BNC2: variants seen among roughly 807,000 people sequenced by gnomAD.
BNC2 encodes zinc finger protein basonuclin-2.
Under a neutral mutation model 76.3 loss-of-function variants are expected in BNC2, and 20 were observed. That is an observed-to-expected ratio of 0.26 (90% CI 0.18 to 0.38). BNC2 has a LOEUF of 0.38. Ranked by LOEUF, BNC2 falls within the 10% of genes least tolerant of loss-of-function variation. BNC2 has a pLI of 1.00. For synonymous variants in BNC2, 582 were observed against 514.8 expected (o/e 1.13, Z -1.77); for missense variants, 1,382 against 1,399.8 (o/e 0.99, Z 0.20).
Position 16,501,909 on chromosome 9 carries a change from A to G in BNC2, c.669+50621T>C, listed in dbSNP as rs769008934. ...TGGTTGAATTGCTAAAGAACAGAGA[A>G]TAAGTGACTAAGCCTGGGGAATACC... is the stretch of plus-strand genomic sequence containing the variant. On this transcript the variant is annotated intron_variant, in intron 5 of 6. Transcript: ENST00000380672. 5.3e-5 allele frequency among the ~76,000 whole-genome samples: 8 copies of G among 152,246 alleles called. 1 individual carries two copies. Among genetic ancestry groups the G allele is most frequent in the Admixed American group, 2.6e-4 (4 of 15,278 alleles).
Position 16,725,365 on chromosome 9 carries a change from C to T in BNC2, c.330+2432G>A, listed in dbSNP as rs185497763. Among the ~76,000 whole-genome samples the T allele has an allele frequency of 1.7e-4, 26 of 151,990 alleles. 1 individual carries two copies. In the East Asian group the frequency reaches 4.1e-3, roughly 24 times the overall value. On this transcript the variant is annotated intron_variant, in intron 3 of 6. Coordinates refer to ENST00000380672, the MANE Select transcript of BNC2 (RefSeq NM_017637.6). ...GAACTTAAGTTATGTAATATTTATA[C>T]AAACTAAAATGTCATCTTGAAGAGA...
chr9:16,698,730 G>A (rs1396030913), intron 3 of BNC2, among the ~76,000 whole-genome samples: 1 of 151,930 alleles, frequency 6.6e-6, no homozygotes, highest in African/African-American at 2.4e-5. Context: ...TATATTTACG[G>A]ACATGGAAAG....
At chr9:16,477,392 T>C (rs1462694822) in intron 5 of BNC2, among the ~76,000 whole-genome samples, 2 of 152,226 alleles carry the variant, frequency 1.3e-5, no homozygotes, top group Non-Finnish European at 2.9e-5. Flanking sequence ...AAAAAAGTCC[T>C]TGATTTTCTT....
In BNC2 at chr9:16,645,437, T is replaced by C. The variant is rs116795825; in HGVS notation, c.331-62352A>G. On this transcript the variant is annotated intron_variant, in intron 3 of 6. Coordinates refer to ENST00000380672, the MANE Select transcript of BNC2 (RefSeq NM_017637.6). ...CGTCACATTTTTATACTTTTCATAA[T>C]ATTCAATAGCTTAACAATTATATTA... is the stretch of plus-strand genomic sequence containing the variant. Among the ~76,000 whole-genome samples, 8 of 152,350 alleles carry C rather than the reference T, an allele frequency of 5.3e-5. 1 individual carries two copies. Among genetic ancestry groups the C allele is most frequent in the African/African-American group, 1.7e-4 (7 of 41,580 alleles).
chr9:16,727,649 A>T, intron 3 of BNC2, 148 bp downstream of exon 3: 1 of 687,946 alleles, frequency 1.5e-6, no homozygotes, highest in Non-Finnish European at 2.4e-6. Context: ...TTCCAGTAAC[A>T]CAGTTATGAC....
chr9:16,454,458 A>AGT (rs1158644525), intron 5 of BNC2, among the ~76,000 whole-genome samples: 2 of 152,018 alleles, frequency 1.3e-5, no homozygotes, highest in East Asian at 3.9e-4. Context: ...GTGCCACCAC[A>AGT]CCCAGCTAAT....
intron 3 of BNC2, among the ~76,000 whole-genome samples, chr9:16,720,956 T>A (rs540088118): frequency 6.6e-5 from 10 of 152,332 alleles, no homozygotes; most frequent in African/African-American, 2.2e-4. Flanking sequence ...AGGGTTTGAA[T>A]GTACACTGTG....
At chr9:16,470,471 C>T (rs936397937) in intron 5 of BNC2, among the ~76,000 whole-genome samples, 3 of 152,224 alleles carry the variant, frequency 2.0e-5, no homozygotes, top group African/African-American at 7.2e-5. Flanking sequence ...AAAATGTCTC[C>T]ATGCCATGTC....
At chr9:16,540,561 C>G (rs567488555) in intron 5 of BNC2, among the ~76,000 whole-genome samples, 169 of 152,138 alleles carry the variant, frequency 1.1e-3, no homozygotes, top group Admixed American at 1.6e-3. Context: ...TTTTCAATAG[C>G]CTTATAAGGC....
At chr9:16,766,823 G>A (rs1163465276) in intron 1 of BNC2, among the ~76,000 whole-genome samples, 2 of 152,210 alleles carry the variant, frequency 1.3e-5, no homozygotes, top group East Asian at 3.8e-4. Flanking sequence ...GAAGAGTCTA[G>A]TGTAGGGGCT....
chr9:16,758,416 T>C (rs370424742), intron 1 of BNC2, among the ~76,000 whole-genome samples: 90 of 152,224 alleles, frequency 5.9e-4, no homozygotes, highest in African/African-American at 2.1e-3. Context: ...CTTGACTCAC[T>C]GCAACCTCTG....
At chr9:16,460,548 G>A (rs1018996505) in intron 5 of BNC2, among the ~76,000 whole-genome samples, 3 of 152,194 alleles carry the variant, frequency 2.0e-5, no homozygotes, top group East Asian at 1.9e-4. Flanking sequence ...ACTTGTACTC[G>A]GGAGGCAAAG....
At chr9:16,829,103 C>A (rs1329391684) in intron 1 of BNC2, among the ~76,000 whole-genome samples, 1 of 152,150 alleles carries the variant, frequency 6.6e-6, no homozygotes, top group Non-Finnish European at 1.5e-5. Flanking sequence ...GCGACTGTTC[C>A]GCCCGCGTCC....
intron 3 of BNC2, among the ~76,000 whole-genome samples, chr9:16,721,110 CTGGA>C (rs1824143583): frequency 6.6e-6 from 1 of 152,174 alleles, no homozygotes; most frequent in African/African-American, 2.4e-5. Context: ...TGTGGGGACC[CTGGA>C]TGTCATGGCC....
intron 4 of BNC2, among the ~76,000 whole-genome samples, chr9:16,577,521 T>C (rs1005304411): frequency 3.3e-5 from 5 of 152,264 alleles, no homozygotes; most frequent in South Asian, 2.1e-4. Flanking sequence ...CAATCCTTCA[T>C]GTATGAGATA....
Position 16,692,129 on chromosome 9 carries a change from A to G in BNC2, c.330+35668T>C, listed in dbSNP as rs371605289. 2.6e-5 allele frequency among the ~76,000 whole-genome samples: 4 copies of G among 152,326 alleles called. 1 individual carries two copies. In the South Asian group the frequency reaches 8.3e-4, roughly 32 times the overall value. On this transcript the variant is annotated intron_variant, in intron 3 of 6. Coordinates refer to ENST00000380672, the MANE Select transcript of BNC2 (RefSeq NM_017637.6). ...CCCGGCGGGTTCTTATATTTAAGAAAAAAAGGTACAGAATTCTATTATTCT... is the reference window on the plus strand; with the variant it reads ...CCCGGCGGGTTCTTATATTTAAGAAGAAAAGGTACAGAATTCTATTATTCT...
chr9:16,612,638 C>A (rs999262828), intron 3 of BNC2, among the ~76,000 whole-genome samples: 1 of 152,084 alleles, frequency 6.6e-6, no homozygotes, highest in African/African-American at 2.4e-5. Flanking sequence ...ATAAATATGT[C>A]CTTGAGGAAT....
At chr9:16,796,713 T>G (rs1817664410) in intron 1 of BNC2, among the ~76,000 whole-genome samples, 1 of 152,080 alleles carries the variant, frequency 6.6e-6, no homozygotes, top group African/African-American at 2.4e-5. Flanking sequence ...TCCATAGAAT[T>G]CCTGCTGTTT....
intron 1 of BNC2, among the ~76,000 whole-genome samples, chr9:16,787,091 T>C (rs1399264325): frequency 6.6e-6 from 1 of 152,118 alleles, no homozygotes; most frequent in Non-Finnish European, 1.5e-5. Context: ...GAGGCCAAAG[T>C]AAAGAATGGA....
Sources: gnomAD v4.1 joint callset for allele counts (sites outside exome capture counted in the v4.1 genomes callset) on GRCh38, gnomAD v4.1.1 for gene constraint, MANE v1.5 for transcripts, NCBI Gene and HGNC (gene_info 2026-07-23, HGNC 2026-07-21) for gene names.